Variants in TMED3 observed in about 807,000 individuals in gnomAD.
The protein encoded by TMED3 is transmembrane emp24 domain-containing protein 3.
In TMED3, 9 loss-of-function variants were observed where a neutral mutation model predicts 15.0. The observed-to-expected ratio is 0.60, with a 90% confidence interval of 0.36 to 1.04. TMED3 has a LOEUF of 1.04. Among genes scored for constraint, TMED3 ranks in the 50% least tolerant of loss-of-function variants. The pLI is 0.01. For synonymous variants in TMED3, 117 were observed against 121.4 expected (o/e 0.96, Z 0.24); for missense variants, 267 against 278.9 (o/e 0.96, Z 0.30).
chr15:79,397,150 T>G (rs1463490524), intron 2 of TMED3, among the ~76,000 whole-genome samples: 3 of 152,224 alleles, frequency 2.0e-5, no homozygotes, highest in African/African-American at 7.2e-5. Flanking sequence ...ATTTCTTTTT[T>G]ACATTCATCT....
chr15:79,322,778 G>C lies in TMED3; in HGVS notation c.*564G>C. The C allele has an allele frequency of 2.0e-6, 2 of 985,352 alleles. No homozygotes were observed. Among genetic ancestry groups the C allele is most frequent in the Non-Finnish European group, 2.4e-6 (2 of 829,962 alleles). 61.0% of individuals were successfully genotyped at this position (985,352 alleles called of 1,614,324 possible). A position where few individuals can be genotyped will look rare whatever the true frequency, so the allele number is the denominator to read the frequency against. On this transcript the variant is annotated 3_prime_UTR_variant, in exon 3 of 3. Transcript: ENST00000299705. Reference sequence around the variant, plus strand: ...TGACTGGGTGCCCTTGGTGAGCTGTGTATTTCCTAGGAGGTAGAAAACTGT... The same window carrying C: ...TGACTGGGTGCCCTTGGTGAGCTGTCTATTTCCTAGGAGGTAGAAAACTGT...
intron 2 of TMED3, among the ~76,000 whole-genome samples, chr15:79,385,880 C>T (rs1432878495): frequency 6.6e-6 from 1 of 152,210 alleles, no homozygotes; most frequent in Non-Finnish European, 1.5e-5. Flanking sequence ...GCAGCAGCCT[C>T]TGCCATCATT....
chr15:79,352,494 A>C (rs1449567104), intron 2 of TMED3, among the ~76,000 whole-genome samples: 1 of 151,976 alleles, frequency 6.6e-6, no homozygotes, highest in Non-Finnish European at 1.5e-5. Context: ...AGCTGGGGAG[A>C]GCTAAGAGGA....
chr15:79,314,804 C>A, intron 2 of TMED3: 1 of 276,142 alleles, frequency 3.6e-6, no homozygotes, highest in Non-Finnish European at 7.5e-6. Context: ...TCATTATTCT[C>A]TGATCCCATC....
chr15:79,368,412 A>C (rs926966180), intron 2 of TMED3, among the ~76,000 whole-genome samples: 1 of 152,090 alleles, frequency 6.6e-6, no homozygotes, highest in Non-Finnish European at 1.5e-5. Flanking sequence ...TTAGTGAAAA[A>C]GGTGGGGTTT....
intron 2 of TMED3, among the ~76,000 whole-genome samples, chr15:79,340,638 A>T (rs1254595691): frequency 6.6e-6 from 1 of 152,268 alleles, no homozygotes; most frequent in Non-Finnish European, 1.5e-5. Context: ...ATTCAGGACT[A>T]TTAAATGCAA....
At chr15:79,349,470 T>C (rs1474874453) in intron 2 of TMED3, among the ~76,000 whole-genome samples, 1 of 152,148 alleles carries the variant, frequency 6.6e-6, no homozygotes, top group Admixed American at 6.5e-5. Flanking sequence ...ATGTCCCTCT[T>C]TTTCTTGTGA....
intron 2 of TMED3, among the ~76,000 whole-genome samples, chr15:79,386,166 G>T (rs909739500): frequency 6.6e-6 from 1 of 152,160 alleles, no homozygotes; most frequent in African/African-American, 2.4e-5. Context: ...TAATGGGTAC[G>T]GAGTTTCAGT....
At chr15:79,356,617 GA>G (rs1396194923) in intron 2 of TMED3, among the ~76,000 whole-genome samples, 1 of 152,138 alleles carries the variant, frequency 6.6e-6, no homozygotes, top group East Asian at 1.9e-4. Context: ...TGCTGTGATG[GA>G]GATCCAAAGA....
intron 2 of TMED3, among the ~76,000 whole-genome samples, chr15:79,363,849 C>T (rs187938305): frequency 7.0e-4 from 106 of 152,268 alleles, no homozygotes; most frequent in Non-Finnish European, 1.1e-3. Flanking sequence ...AGACAAAGTA[C>T]GGCCTTTACT....
chr15:79,325,733 G>A (rs1255074352), downstream of TMED3, among the ~76,000 whole-genome samples: 1 of 152,118 alleles, frequency 6.6e-6, no homozygotes, highest in Non-Finnish European at 1.5e-5. Flanking sequence ...GTGGCCAGAA[G>A]CCCAAGAGCC....
intron 2 of TMED3, 84 bp downstream of exon 2, chr15:79,314,089 G>T: frequency 1.3e-6 from 2 of 1,541,382 alleles, no homozygotes; most frequent in Non-Finnish European, 8.8e-7. Flanking sequence ...GGTGGTGGGA[G>T]TCATCATCCA....
At chr15:79,323,847 T>G (rs2058777591), downstream of TMED3, among the ~76,000 whole-genome samples, 1 of 152,250 alleles carries the variant, frequency 6.6e-6, no homozygotes, top group Admixed American at 6.5e-5. Flanking sequence ...TCCATAAATA[T>G]GTAGATTCAT....
At position 79,334,736 on chromosome 15, in the gene TMED3, T is replaced by A. The variant is rs75498885; in HGVS notation, c.417+20731T>A. ...ACGCAGGAAATGTATTTCGGAAGAA[T>A]TACTCCAGGAAGTCAAACAGTGCAC... On this transcript the variant is annotated intron_variant, in intron 2 of 2. Coordinates refer to the TMED3 transcript ENST00000424155. 4.0e-3 allele frequency among the ~76,000 whole-genome samples: 608 copies of A among 152,182 alleles called. 3 individuals carry two copies. Among genetic ancestry groups the A allele is most frequent in the African/African-American group, 0.013 (549 of 41,504 alleles).
At chr15:79,381,266 C>G (rs1345424704) in intron 2 of TMED3, among the ~76,000 whole-genome samples, 1 of 152,162 alleles carries the variant, frequency 6.6e-6, no homozygotes, top group East Asian at 1.9e-4. Flanking sequence ...CCAGTTAAGT[C>G]TGTAACCTTA....
chr15:79,355,520 G>T (rs2058915519), intron 2 of TMED3, among the ~76,000 whole-genome samples: 1 of 152,176 alleles, frequency 6.6e-6, no homozygotes, highest in Non-Finnish European at 1.5e-5. Context: ...CAAAAGCAGG[G>T]CTCCAGTCCT....
At chr15:79,326,040 C>A (rs1445640048), downstream of TMED3, among the ~76,000 whole-genome samples, 1 of 152,152 alleles carries the variant, frequency 6.6e-6, no homozygotes, top group African/African-American at 2.4e-5. Context: ...GCTATCTAGG[C>A]ATCTTTCAAT....
chr15:79,391,385 G>T (rs112698867), intron 2 of TMED3, among the ~76,000 whole-genome samples: 45 of 152,180 alleles, frequency 3.0e-4, no homozygotes, highest in African/African-American at 9.6e-4. Flanking sequence ...AATTTTGAAG[G>T]TTCCTTTTGG....
chr15:79,399,651 GAC>G (rs896361014), intron 2 of TMED3, among the ~76,000 whole-genome samples: 10 of 152,158 alleles, frequency 6.6e-5, no homozygotes, highest in African/African-American at 2.4e-4. Flanking sequence ...GCAAGGGAGA[GAC>G]ACAATCAGAT....
Sources: gnomAD v4.1 joint callset for allele counts (sites outside exome capture counted in the v4.1 genomes callset) on GRCh38, gnomAD v4.1.1 for gene constraint, MANE v1.5 for transcripts, NCBI Gene and HGNC (gene_info 2026-07-23, HGNC 2026-07-21) for gene names.